Variants in GASK1A observed in about 807,000 individuals in gnomAD.
The protein encoded by GASK1A is Golgi-associated kinase 1A.
Under a neutral mutation model 41.2 loss-of-function variants are expected in GASK1A, and 40 were observed. The observed-to-expected ratio is 0.97, with a 90% confidence interval of 0.75 to 1.27. The LOEUF is 1.27. GASK1A is among the 50% of genes most tolerant of loss of function. The pLI is 0.00. For missense variants in GASK1A, 678 were observed against 745.1 expected, an observed-to-expected ratio of 0.91 and a Z score of 1.05; for synonymous variants, 316 against 307.1, an observed-to-expected ratio of 1.03 and a Z score of -0.30.
At position 43,032,392 on chromosome 3, in the gene GASK1A, C is replaced by T. The variant is rs2089580564; in HGVS notation, c.129C>T (p.Asp43=). The change falls in exon 2 of 5, where the codon GAC becomes GAT. Residue 43 remains aspartate, a synonymous_variant. Transcript: ENST00000430121. ...CACAGCGTCCATCCGCCGGCCCAGA[C>T]CCTGGTCCCATGGAGCCTCAGGGGG... ...FPPQRPSAGP[D]PGPMEPQGVT... is the part of the protein sequence containing the mutation. 1 of 1,551,636 alleles carries T rather than the reference C, an allele frequency of 6.4e-7. No individual in the cohort carries two copies. The highest frequency in any genetic ancestry group is 8.7e-7 in the Non-Finnish European group (1 of 1,146,918).
At position 43,056,254 on chromosome 3, in the gene GASK1A, A is replaced by C; in HGVS notation, c.1596A>C (p.Pro532=). Reference sequence around the variant, plus strand: ...TGCTGAAGTCGCTGCAGATGGACCCAGTGTTCTGGGAAAGCCAAGGCGGAG... The same window carrying C: ...TGCTGAAGTCGCTGCAGATGGACCCCGTGTTCTGGGAAAGCCAAGGCGGAG... The part of the protein sequence containing the change: ...NMLLKSLQMD[P]VFWESQGGAQ... The change falls in exon 5 of 5, where the codon CCA becomes CCC. Residue 532 remains proline (P), a synonymous_variant. Transcript: ENST00000430121. 6.4e-7 allele frequency: 1 copy of C among 1,551,714 alleles called. No individual in the cohort carries two copies.
At chr3:43,007,383 C>G (rs1158805223) in intron 1 of GASK1A, among the ~76,000 whole-genome samples, 1 of 152,216 alleles carries the variant, frequency 6.6e-6, no homozygotes, top group Non-Finnish European at 1.5e-5. Flanking sequence ...AGCTTTCTCT[C>G]TCCATAGAAC....
At chr3:43,053,480 G>A in intron 2 of GASK1A, 41 bp from the exon 3 acceptor site, 3 of 1,499,252 alleles carry the variant, frequency 2.0e-6, no homozygotes, top group East Asian at 2.5e-5. Context: ...GTGGAGGCAG[G>A]CCCCCTGCCG....
At chr3:42,991,353 G>A (rs187561191) in intron 1 of GASK1A, among the ~76,000 whole-genome samples, 2 of 152,142 alleles carry the variant, frequency 1.3e-5, no homozygotes, top group Admixed American at 1.3e-4. Context: ...ACCCTCTACA[G>A]AGTCACGCAG....
At chr3:43,009,938 G>A (rs906498985) in intron 1 of GASK1A, among the ~76,000 whole-genome samples, 3 of 152,302 alleles carry the variant, frequency 2.0e-5, no homozygotes, top group African/African-American at 7.2e-5. Flanking sequence ...AGCCTTCTTC[G>A]CACTGGTGTC....
intron 1 of GASK1A, among the ~76,000 whole-genome samples, chr3:43,004,284 G>A (rs776590978): frequency 2.6e-5 from 4 of 152,228 alleles, no homozygotes; most frequent in Non-Finnish European, 5.9e-5. Flanking sequence ...TGGCCAAGGA[G>A]ACGTTTAGCT....
chr3:42,998,991 A>G (rs2089392062), intron 1 of GASK1A, among the ~76,000 whole-genome samples: 1 of 151,644 alleles, frequency 6.6e-6, no homozygotes, highest in Admixed American at 6.6e-5. Flanking sequence ...TTAACCTAAT[A>G]TGTGTGTGCG....
At position 42,988,273 on chromosome 3, in the gene GASK1A, A is replaced by G. The variant is rs1321866345; in HGVS notation, c.3+8628A>G. ...CTAAGTGGCCGCGGGAAGGGGCTGT[A>G]TCACATGCTGTTTACTTGTGGGCAG... On this transcript the variant is annotated intron_variant, in intron 1 of 4. Transcript: ENST00000430121. Among the ~76,000 whole-genome samples the G allele has an allele frequency of 4.6e-5, 7 of 152,152 alleles. No individual in the cohort carries two copies. In the East Asian group the frequency reaches 1.4e-3, roughly 29 times the overall value.
intron 1 of GASK1A, among the ~76,000 whole-genome samples, chr3:43,019,845 A>G (rs1410369217): frequency 5.3e-5 from 8 of 152,082 alleles, no homozygotes. Flanking sequence ...CTTAAAAAAC[A>G]CTTTACAAGT....
rs565318650 is a variant in GASK1A at position 43,013,672 on chromosome 3, C to G, written c.4-18595C>G. Among the ~76,000 whole-genome samples, 25 of 152,190 alleles carry G rather than the reference C, an allele frequency of 1.6e-4. No individual in the cohort carries two copies. The East Asian group carries it at 4.8e-3, about 29-fold the overall frequency. ...CACCAGAATGTGCAGTGGGAAGTTA[C>G]AGGAAGGTGCTGTGTGAAGTCACAG... On this transcript the variant is annotated intron_variant, in intron 1 of 4. Transcript: ENST00000430121.
intron 1 of GASK1A, among the ~76,000 whole-genome samples, chr3:43,016,491 G>T (rs114163255): frequency 0.011 from 1,617 of 151,828 alleles, 15 homozygotes; most frequent in Admixed American, 0.015. Flanking sequence ...GCCCCAGGAA[G>T]GGGCTTTGTG....
At chr3:42,990,819 T>G (rs2089336975) in intron 1 of GASK1A, among the ~76,000 whole-genome samples, 1 of 152,178 alleles carries the variant, frequency 6.6e-6, no homozygotes, top group Non-Finnish European at 1.5e-5. Flanking sequence ...TTTTTATTAA[T>G]GAGGAAACTA....
intron 1 of GASK1A, among the ~76,000 whole-genome samples, chr3:43,015,989 C>A (rs907632695): frequency 6.8e-6 from 1 of 147,820 alleles, no homozygotes; most frequent in Non-Finnish European, 1.5e-5. Flanking sequence ...TGTGAAGCCA[C>A]AGGATGGGGT....
intron 1 of GASK1A, among the ~76,000 whole-genome samples, chr3:43,005,753 A>C (rs2089432789): frequency 6.6e-6 from 1 of 152,232 alleles, no homozygotes; most frequent in Non-Finnish European, 1.5e-5. Flanking sequence ...CTATCTGTGA[A>C]ATTGTCTTCT....
Position 43,032,783 on chromosome 3 carries a change from C to G in GASK1A, c.520C>G (p.Leu174Val). 6.4e-7 allele frequency: 1 copy of G among 1,551,002 alleles called. No homozygotes were observed. Among genetic ancestry groups the G allele is most frequent in the Non-Finnish European group, 8.7e-7 (1 of 1,147,000 alleles). The change falls in exon 2 of 5, where the codon CTC (leucine) becomes GTC (valine). Residue 174 changes from leucine (L) to valine (V), a missense_variant. By Grantham distance (32) the Leu-to-Val change is conservative. Transcript: ENST00000430121. ...TGAGGTGGTCACCCTGGTCAGTCCA[C>G]TCCCAGGGAGTGACATGGCAGCTTT... ...QSEVVTLVSP[L>V]PGSDMAALPA...
chr3:43,009,499 T>C (rs944372943), intron 1 of GASK1A, among the ~76,000 whole-genome samples: 4 of 152,228 alleles, frequency 2.6e-5, no homozygotes, highest in Admixed American at 6.5e-5. Flanking sequence ...TCCTGTGTGC[T>C]GGGAAGGGCT....
At chr3:43,054,010 G>A in intron 3 of GASK1A, 1 of 363,732 alleles carries the variant, frequency 2.7e-6, no homozygotes, top group South Asian at 2.2e-5. Flanking sequence ...CAGTCTGGAG[G>A]GAAAGGAATC....
chr3:43,031,256 A>G (rs1319801772), intron 1 of GASK1A, among the ~76,000 whole-genome samples: 1 of 152,190 alleles, frequency 6.6e-6, no homozygotes, highest in African/African-American at 2.4e-5. Context: ...GCTCACAGGT[A>G]CAGAGACTCC....
chr3:43,051,384 G>T (rs2089687530), intron 2 of GASK1A, among the ~76,000 whole-genome samples: 3 of 152,162 alleles, frequency 2.0e-5, no homozygotes, highest in South Asian at 4.1e-4. Context: ...GACTCTGTGT[G>T]TGTGTTGAGG....
Sources: allele counts gnomAD v4.1 joint callset (sites outside exome capture counted in the v4.1 genomes callset), GRCh38; gene constraint gnomAD v4.1.1; transcripts MANE v1.5; gene names NCBI Gene and HGNC (gene_info 2026-07-23, HGNC 2026-07-21).